The following CREB1 variants were observed in gnomAD, a reference collection of about 807,000 sequenced individuals.
CREB1 encodes cyclic AMP-responsive element-binding protein 1.
Under a neutral mutation model 42.0 loss-of-function variants are expected in CREB1, and 2 were observed. That is an observed-to-expected ratio of 0.05 (90% CI 0.02 to 0.15). The LOEUF (loss-of-function observed/expected upper bound fraction) is 0.15. Among genes scored for constraint, CREB1 ranks in the 10% least tolerant of loss-of-function variants. The probability of loss-of-function intolerance (pLI) is 1.00; values close to 1 mark genes in which losing one functional copy is unlikely to be tolerated. For synonymous variants in CREB1, 123 were observed against 139.9 expected, an observed-to-expected ratio of 0.88 and a Z score of 0.85; for missense variants, 199 against 388.9, an observed-to-expected ratio of 0.51 and a Z score of 4.11.
intron 7 of CREB1, among the ~76,000 whole-genome samples, chr2:207,594,953 T>C (rs1259172247): frequency 6.6e-6 from 1 of 151,976 alleles, no homozygotes; most frequent in African/African-American, 2.4e-5. Flanking sequence ...CTAGTGGTTT[T>C]GATTTGCATT....
intron 7 of CREB1, chr2:207,582,912 A>G: frequency 4.2e-6 from 1 of 237,102 alleles, no homozygotes; most frequent in Non-Finnish European, 8.4e-6. Context: ...CAAACAAACA[A>G]AAAAAAATAT....
chr2:207,604,440 C>T lies in CREB1; in HGVS notation c.*7382C>T, dbSNP rs2087706898. On this transcript the variant is annotated 3_prime_UTR_variant, in exon 8 of 8. Transcript: ENST00000353267. ...TAGGGGAAACCTAGAAAAGCACTAC[C>T]TTAATCAGTGTTATCCTTCTTCTTA... Among the ~76,000 whole-genome samples, 1 of 151,702 alleles carries T rather than the reference C, an allele frequency of 6.6e-6. No individual in the cohort carries two copies. Among genetic ancestry groups the T allele is most frequent in the Non-Finnish European group, 1.5e-5 (1 of 67,994 alleles).
intron 7 of CREB1, among the ~76,000 whole-genome samples, chr2:207,585,976 C>T (rs953145602): frequency 1.3e-5 from 2 of 152,046 alleles, no homozygotes; most frequent in African/African-American, 4.8e-5. Flanking sequence ...TGAAGACCTC[C>T]CATGTCTTGA....
chr2:207,543,506 CAGTA>C (rs1318075058), intron 1 of CREB1, among the ~76,000 whole-genome samples: 19 of 152,260 alleles, frequency 1.2e-4, no homozygotes, highest in South Asian at 2.1e-4. Flanking sequence ...TAGAAACTCA[CAGTA>C]AGTAAGGCGT....
At chr2:207,577,289 G>A in intron 6 of CREB1, 1 of 1,039,808 alleles carries the variant, frequency 9.6e-7, no homozygotes, top group Non-Finnish European at 1.3e-6. Context: ...GTAAGATCCA[G>A]CGGACATAGG....
At chr2:207,569,858 A>T (rs903154952) in intron 4 of CREB1, among the ~76,000 whole-genome samples, 3 of 152,038 alleles carry the variant, frequency 2.0e-5, no homozygotes, top group Admixed American at 1.3e-4. Flanking sequence ...ATCCTGGCCA[A>T]CATGGTGAAA....
At chr2:207,540,227 A>G (rs1381646493) in intron 1 of CREB1, among the ~76,000 whole-genome samples, 1 of 152,214 alleles carries the variant, frequency 6.6e-6, no homozygotes, top group Non-Finnish European at 1.5e-5. Context: ...AGCTCCATGC[A>G]TGTGATTGCC....
Position 207,598,152 on chromosome 2 carries a change from CTA to C in CREB1, c.*1095_*1096del, listed in dbSNP as rs1285836640. 1 of 180,396 alleles carries C rather than the reference CTA, an allele frequency of 5.5e-6. No individual in the cohort carries two copies. The highest frequency in any genetic ancestry group is 6.3e-5 in the Admixed American group (1 of 15,898). 11.2% of individuals were successfully genotyped at this position (180,396 alleles called of 1,614,324 possible). On this transcript the variant is annotated 3_prime_UTR_variant, in exon 8 of 8. Coordinates refer to ENST00000353267, the MANE Select transcript of CREB1 (RefSeq NM_004379.5). Reference sequence around the variant, plus strand: ...ATATTAACAATTTAACAGAGAATCTCTAGTGAATTTTTTAAATGAAAGAAGTT... The same window carrying C: ...ATATTAACAATTTAACAGAGAATCTCGTGAATTTTTTAAATGAAAGAAGTT...
chr2:207,572,225 CAAAAAAA>C (rs35000643), intron 5 of CREB1, among the ~76,000 whole-genome samples: 2 of 98,890 alleles, frequency 2.0e-5, no homozygotes, highest in Admixed American at 2.0e-4. Flanking sequence ...GATTCCGTCT[CAAAAAAA>C]AAAAAAAAAA....
intron 7 of CREB1, among the ~76,000 whole-genome samples, chr2:207,595,872 C>T (rs999448041): frequency 6.6e-6 from 1 of 152,136 alleles, no homozygotes; most frequent in Admixed American, 6.5e-5. Context: ...CTTGCCTATT[C>T]TAGATCTTAA....
intron 1 of CREB1, among the ~76,000 whole-genome samples, chr2:207,552,645 A>C (rs1232694196): frequency 3.5e-5 from 5 of 144,686 alleles, no homozygotes; most frequent in Non-Finnish European, 1.5e-5. Context: ...TTGCTCTGTC[A>C]CCCAGGCTGC....
At chr2:207,595,051 C>T (rs953998991) in intron 7 of CREB1, among the ~76,000 whole-genome samples, 25 of 147,998 alleles carry the variant, frequency 1.7e-4, no homozygotes, top group African/African-American at 6.0e-4. Flanking sequence ...GGTAGAGTGC[C>T]GTGGTGCAAT....
intron 2 of CREB1, 72 bp downstream of exon 2, chr2:207,555,821 G>A: frequency 2.1e-6 from 2 of 945,578 alleles, no homozygotes; most frequent in Non-Finnish European, 3.3e-6. Context: ...GAATTTAGTT[G>A]TTATTACATA....
At chr2:207,595,711 T>G (rs535737740) in intron 7 of CREB1, among the ~76,000 whole-genome samples, 23 of 152,186 alleles carry the variant, frequency 1.5e-4, no homozygotes, top group Non-Finnish European at 3.2e-4. Context: ...ACTACAGGCA[T>G]GTGCCACCAC....
In CREB1 at chr2:207,587,081, C is replaced by T. The variant is rs183536112; in HGVS notation, c.839+9426C>T. On this transcript the variant is annotated intron_variant, in intron 7 of 7. Transcript: ENST00000353267. ...ACATTAATGCAGCCATTACGGAAAA[C>T]GGTGTGGAGGTTTCTCAAAAAAACT... is the stretch of plus-strand genomic sequence containing the variant. Among the ~76,000 whole-genome samples the T allele has an allele frequency of 5.3e-5, 8 of 152,162 alleles. No individual in the cohort carries two copies. In the South Asian group the frequency reaches 6.2e-4, roughly 12 times the overall value.
At chr2:207,538,969 C>A (rs1037158167) in intron 1 of CREB1, among the ~76,000 whole-genome samples, 2 of 151,682 alleles carry the variant, frequency 1.3e-5, no homozygotes, top group African/African-American at 4.8e-5. Flanking sequence ...AAGTAGTTGG[C>A]AGTAGGGGAC....
intron 3 of CREB1, among the ~76,000 whole-genome samples, chr2:207,562,968 A>G (rs1315934179): frequency 6.6e-6 from 1 of 152,238 alleles, no homozygotes; most frequent in Non-Finnish European, 1.5e-5. Context: ...TCTCAAGAAG[A>G]TCACATTTTA....
chr2:207,547,361 T>C (rs934391673), intron 1 of CREB1, among the ~76,000 whole-genome samples: 1 of 152,216 alleles, frequency 6.6e-6, no homozygotes, highest in Non-Finnish European at 1.5e-5. Flanking sequence ...ATAGTAACTT[T>C]TGGGTACTTA....
intron 7 of CREB1, among the ~76,000 whole-genome samples, chr2:207,593,389 G>T (rs985835824): frequency 2.0e-5 from 3 of 152,118 alleles, no homozygotes; most frequent in Admixed American, 6.5e-5. Context: ...AATTAGCTGG[G>T]CATGGTGGTG....
Sources: gnomAD v4.1 joint callset for allele counts (sites outside exome capture counted in the v4.1 genomes callset) on GRCh38, gnomAD v4.1.1 for gene constraint, MANE v1.5 for transcripts, NCBI Gene and HGNC (gene_info 2026-07-23, HGNC 2026-07-21) for gene names.